Variants in CACUL1 observed in about 807,000 individuals in gnomAD.
CACUL1 encodes the protein CDK2 associated cullin domain 1, also known as CDK2-associated and cullin domain-containing protein 1.
In CACUL1, 13 loss-of-function variants were observed where a neutral mutation model predicts 45.2. The ratio of observed to expected loss-of-function variants is 0.29; its 90% CI spans 0.19 to 0.46. The LOEUF (loss-of-function observed/expected upper bound fraction) is 0.46, where lower values mean the gene tolerates loss of function less well. Among genes scored for constraint, CACUL1 ranks in the 20% least tolerant of loss-of-function variants. The probability of loss-of-function intolerance (pLI) is 1.00; values close to 1 mark genes in which losing one functional copy is unlikely to be tolerated. For synonymous variants in CACUL1, 197 were observed against 174.2 expected (o/e 1.13, Z -1.03); for missense variants, 421 against 471.4 (o/e 0.89, Z 0.99).
intron 3 of CACUL1, among the ~76,000 whole-genome samples, chr10:118,708,402 T>C (rs886822729): frequency 1.3e-5 from 2 of 152,238 alleles, no homozygotes; most frequent in East Asian, 1.9e-4. Context: ...TTATAAATAT[T>C]AGTTAGAAAG....
At chr10:118,705,317 G>T (rs1329944651) in intron 4 of CACUL1, among the ~76,000 whole-genome samples, 1 of 152,058 alleles carries the variant, frequency 6.6e-6, no homozygotes, top group Non-Finnish European at 1.5e-5. Flanking sequence ...ATCTCTTTGA[G>T]ACTCTGTAGT....
chr10:118,730,149 A>C, intron 2 of CACUL1, 135 bp downstream of exon 2: 1 of 973,406 alleles, frequency 1.0e-6, no homozygotes, highest in East Asian at 2.5e-5. Context: ...TCCAATCCGT[A>C]AGTGTGGAAT....
At chr10:118,748,336 A>T (rs1252353254) in intron 1 of CACUL1, among the ~76,000 whole-genome samples, 2 of 152,112 alleles carry the variant, frequency 1.3e-5, no homozygotes, top group Non-Finnish European at 2.9e-5. Flanking sequence ...CTTTCTATAA[A>T]AGTAGTGGAT....
intron 5 of CACUL1, among the ~76,000 whole-genome samples, chr10:118,698,187 C>T (rs1416567615): frequency 6.7e-6 from 1 of 149,176 alleles, no homozygotes; most frequent in Non-Finnish European, 1.5e-5. Context: ...CACTCTGTAG[C>T]CAGGCTGGAG....
chr10:118,715,399 G>C (rs938162627), intron 3 of CACUL1, among the ~76,000 whole-genome samples: 1 of 152,180 alleles, frequency 6.6e-6, no homozygotes, highest in Non-Finnish European at 1.5e-5. Flanking sequence ...AATAATTTTA[G>C]AAGAGGATTA....
intron 3 of CACUL1, among the ~76,000 whole-genome samples, chr10:118,711,544 A>C (rs572081422): frequency 7.2e-5 from 11 of 152,376 alleles, no homozygotes; most frequent in African/African-American, 2.6e-4. Context: ...CATTCAAAGA[A>C]ATAAATTTTA....
chr10:118,728,848 C>T (rs1302286884), intron 3 of CACUL1, among the ~76,000 whole-genome samples: 1 of 152,088 alleles, frequency 6.6e-6, no homozygotes, highest in African/African-American at 2.4e-5. Context: ...TGCCTATTTA[C>T]AGGAGGTTTA....
chr10:118,730,151 G>C, intron 2 of CACUL1, 133 bp downstream of exon 2: 1 of 998,544 alleles, frequency 1.0e-6, no homozygotes, highest in Non-Finnish European at 1.5e-6. Context: ...CAATCCGTAA[G>C]TGTGGAATAC....
intron 1 of CACUL1, among the ~76,000 whole-genome samples, chr10:118,734,345 C>T (rs1214275888): frequency 1.3e-5 from 2 of 152,102 alleles, no homozygotes; most frequent in Non-Finnish European, 2.9e-5. Context: ...ATACAGACTT[C>T]CAATGAGGTA....
chr10:118,754,335 T>G, intron 1 of CACUL1, 61 bp downstream of exon 1: 1 of 1,428,362 alleles, frequency 7.0e-7, no homozygotes, highest in Non-Finnish European at 9.2e-7. Flanking sequence ...CAAGAGGGGG[T>G]GGATTCGGCG....
At chr10:118,704,636 C>T (rs546225583) in intron 4 of CACUL1, among the ~76,000 whole-genome samples, 13 of 152,344 alleles carry the variant, frequency 8.5e-5, no homozygotes, top group African/African-American at 2.4e-4. Context: ...TGGTTTCCTA[C>T]ACTGTTATGC....
intron 1 of CACUL1, among the ~76,000 whole-genome samples, chr10:118,744,735 AACC>A (rs1187358491): frequency 6.6e-6 from 1 of 152,176 alleles, no homozygotes; most frequent in African/African-American, 2.4e-5. Context: ...AGCTCACTGC[AACC>A]ACCACCTCCT....
At chr10:118,740,551 A>C (rs1010409296) in intron 1 of CACUL1, among the ~76,000 whole-genome samples, 1 of 152,120 alleles carries the variant, frequency 6.6e-6, no homozygotes, top group Admixed American at 6.5e-5. Context: ...CAGAGACTAC[A>C]GTGAGCCGAG....
chr10:118,709,909 T>A (rs76588260), intron 3 of CACUL1, among the ~76,000 whole-genome samples: 6,076 of 151,472 alleles, frequency 0.04, 148 homozygotes, highest in Non-Finnish European at 0.047. Context: ...AATTATTATT[T>A]TTTTTTGTAC....
At chr10:118,706,275 T>A (rs1309573010) in intron 4 of CACUL1, among the ~76,000 whole-genome samples, 1 of 152,232 alleles carries the variant, frequency 6.6e-6, no homozygotes, top group Non-Finnish European at 1.5e-5. Context: ...AAGAAACCTA[T>A]TTACCCAGCC....
chr10:118,695,041 A>C, intron 6 of CACUL1, 100 bp downstream of exon 6: 1 of 732,146 alleles, frequency 1.4e-6, no homozygotes, highest in Non-Finnish European at 2.4e-6. Context: ...CAGCAAATCC[A>C]AGTACCATTA....
intron 3 of CACUL1, among the ~76,000 whole-genome samples, chr10:118,712,859 C>A (rs1368660124): frequency 1.3e-5 from 2 of 152,208 alleles, no homozygotes; most frequent in Non-Finnish European, 2.9e-5. Flanking sequence ...CATGGCCAGC[C>A]ACAGGCAAGC....
intron 5 of CACUL1, among the ~76,000 whole-genome samples, chr10:118,697,736 CTG>C (rs989965550): frequency 6.6e-6 from 1 of 152,232 alleles, no homozygotes; most frequent in African/African-American, 2.4e-5. Context: ...ATTTAGAACA[CTG>C]TGCAAACTGA....
intron 3 of CACUL1, among the ~76,000 whole-genome samples, chr10:118,708,811 C>T (rs542730770): frequency 6.6e-6 from 1 of 152,234 alleles, no homozygotes; most frequent in South Asian, 2.1e-4. Flanking sequence ...AGAAAGAGGG[C>T]CCTCACCAGG....
Sources: allele counts gnomAD v4.1 joint callset (sites outside exome capture counted in the v4.1 genomes callset), GRCh38; gene constraint gnomAD v4.1.1; transcripts MANE v1.5; gene names NCBI Gene and HGNC (gene_info 2026-07-23, HGNC 2026-07-21).